CACNA1B: variants seen among roughly 807,000 people sequenced by gnomAD.
CACNA1B encodes calcium voltage-gated channel subunit alpha1 B.
CACNA1B carries 70 observed loss-of-function variants against 247.2 expected under a neutral mutation model. The observed-to-expected ratio is 0.28, with a 90% CI of 0.23 to 0.35. The LOEUF (loss-of-function observed/expected upper bound fraction) is 0.35, where lower values mean the gene tolerates loss of function less well. CACNA1B is among the 10% of genes least tolerant of loss of function. The pLI is 1.00. For synonymous variants in CACNA1B, 1,231 were observed against 1,294.4 expected (o/e 0.95, Z 1.05); for missense variants, 2,367 against 3,197.4 (o/e 0.74, Z 6.26).
chr9:137,993,066 G>A (rs1025839594), intron 15 of CACNA1B, among the ~76,000 whole-genome samples: 5 of 152,116 alleles, frequency 3.3e-5, no homozygotes, highest in African/African-American at 1.2e-4. Flanking sequence ...AGCCTTAAAT[G>A]CCTACATCAG....
intron 6 of CACNA1B, among the ~76,000 whole-genome samples, chr9:137,935,267 T>A (rs139243423): frequency 6.6e-6 from 1 of 152,006 alleles, no homozygotes; most frequent in African/African-American, 2.4e-5. Context: ...CCCCACCCCA[T>A]GACAGGCTCC....
At chr9:137,949,097 CATGTTTGTGGTGGCT>C (rs1957838321) in intron 6 of CACNA1B, among the ~76,000 whole-genome samples, 1 of 1,724 alleles carries the variant, frequency 5.8e-4, no homozygotes. Context: ...GTGGTGTGTG[CATGTTTGTGGTGGCT>C]GTGTGTCCAG....
Position 137,954,179 on chromosome 9 carries a change from C to G in CACNA1B, c.1071-1519C>G, listed in dbSNP as rs904724316. 6.6e-6 allele frequency among the ~76,000 whole-genome samples: 1 copy of G among 152,128 alleles called. No individual in the cohort carries two copies. The highest frequency in any genetic ancestry group is 2.4e-5 in the African/African-American group (1 of 41,434). On this transcript the variant is annotated intron_variant, in intron 7 of 46. Transcript: ENST00000371372. The surrounding 1 kb of genome is among the most constrained non-coding windows in gnomAD (Gnocchi z 4.1). ...GGCCCACAGGCCCAGCAGAGGGCCCCCAAGCCAGGGGCTGGCACCCCCCAT... is the reference window on the plus strand; with the variant it reads ...GGCCCACAGGCCCAGCAGAGGGCCCGCAAGCCAGGGGCTGGCACCCCCCAT...
intron 44 of CACNA1B, among the ~76,000 whole-genome samples, chr9:138,119,331 C>T (rs1047004705): frequency 6.6e-6 from 1 of 152,142 alleles, no homozygotes; most frequent in African/African-American, 2.4e-5. Flanking sequence ...GAGGCTCCTT[C>T]CACAAGGACA....
Position 138,023,012 on chromosome 9 carries a change from A to G in CACNA1B, c.2269A>G (p.Arg757Gly), listed in dbSNP as rs200576542. The change falls in exon 19 of 47, where the codon AGG (arginine) becomes GGG (glycine). Residue 757 changes from arginine to glycine, a missense_variant and splice_region_variant. Physicochemically the swap from Arg to Gly is moderately radical, Grantham distance 125. Coordinates refer to ENST00000371372, the MANE Select transcript of CACNA1B (RefSeq NM_000718.4). ...MSAANISIAA[R>G]QQNSAKARSV... is the part of the protein sequence containing the mutation. ...CGCTCACCGCCAGTCTCCCCGCAGC[A>G]GGCAGCAGAACTCGGCCAAGGCGCG... 107 of 1,505,748 alleles carry G rather than the reference A, an allele frequency of 7.1e-5. No individual in the cohort carries two copies. In the South Asian group the frequency reaches 1.1e-3, roughly 15 times the overall value. The allele number at this position is 1,505,748 out of a possible 1,614,324, so 93.3% of individuals were successfully genotyped here. A position where few individuals can be genotyped will look rare whatever the true frequency, so the allele number is the denominator to read the frequency against.
chr9:138,110,146 G>A (rs928653718), intron 39 of CACNA1B, among the ~76,000 whole-genome samples: 1 of 151,106 alleles, frequency 6.6e-6, no homozygotes, highest in African/African-American at 2.4e-5. Context: ...AGACAGTCTT[G>A]CTCTGTTGCC....
chr9:137,936,495 C>A (rs1049841413), intron 6 of CACNA1B, among the ~76,000 whole-genome samples: 4 of 152,042 alleles, frequency 2.6e-5, no homozygotes. Context: ...TAATTAGATC[C>A]CATCTATTTC....
rs756173569 is a variant in CACNA1B, at chr9:137,939,803, A to AAAATAAAT, written c.967-12431_967-12424dup. On this transcript the variant is annotated intron_variant, in intron 6 of 46. Transcript: ENST00000371372. ...GGGCAACTGAGCAAGACTCCGTCTC[A>AAAATAAAT]AAATAAATAAATAAATAAATAAATA... Among the ~76,000 whole-genome samples the AAAATAAAT allele has an allele frequency of 8.7e-3, 1,248 of 143,796 alleles. 10 individuals carry two copies. Among genetic ancestry groups the AAAATAAAT allele is most frequent in the African/African-American group, 0.014 (523 of 37,324 alleles). 94.3% of individuals were successfully genotyped at this position (143,796 alleles called of 152,430 possible).
chr9:137,955,441 G>T lies in CACNA1B; in HGVS notation c.1071-257G>T, dbSNP rs1392619888. ...CCAAGGCACCGTCCCTAAGTGCCAC[G>T]GGAGTCTGAGGATGGAGGGCCACCT... On this transcript the variant is annotated intron_variant, in intron 7 of 46. Coordinates refer to ENST00000371372, the MANE Select transcript of CACNA1B (RefSeq NM_000718.4). This position sits in a 1 kb window ranked among gnomAD's most constrained non-coding sequence, Gnocchi z 6.9. Among the ~76,000 whole-genome samples the T allele has an allele frequency of 6.6e-6, 1 of 152,186 alleles. No individual in the cohort carries two copies. The highest frequency in any genetic ancestry group is 2.1e-4 in the South Asian group (1 of 4,828).
chr9:138,095,609 A>G (rs1454447103), intron 36 of CACNA1B, among the ~76,000 whole-genome samples: 5 of 152,174 alleles, frequency 3.3e-5, no homozygotes, highest in Admixed American at 1.3e-4. Context: ...CAGTAATTTC[A>G]CTCCTAGGTA....
At chr9:138,082,666 A>G (rs1960561935) in intron 36 of CACNA1B, among the ~76,000 whole-genome samples, 1 of 151,428 alleles carries the variant, frequency 6.6e-6, no homozygotes, top group Non-Finnish European at 1.5e-5. Flanking sequence ...TGATTTAACA[A>G]AATGTATAAA....
chr9:137,984,271 G>A, intron 13 of CACNA1B, 21 bp downstream of exon 13: 1 of 1,517,708 alleles, frequency 6.6e-7, no homozygotes, highest in Non-Finnish European at 9.0e-7. Context: ...TGCGCTCCCA[G>A]GCGAGGGCAG....
chr9:138,027,058 T>G (rs1160798203), intron 20 of CACNA1B, among the ~76,000 whole-genome samples: 3 of 152,274 alleles, frequency 2.0e-5, no homozygotes, highest in Non-Finnish European at 4.4e-5. Context: ...GCCATGTGTA[T>G]AATTTTCTTT....
chr9:138,041,966 T>C (rs1959129430), intron 20 of CACNA1B, among the ~76,000 whole-genome samples: 1 of 152,148 alleles, frequency 6.6e-6, no homozygotes, highest in East Asian at 1.9e-4. Context: ...GTCACCATCT[T>C]GCCCAGGATG....
In CACNA1B at chr9:137,919,456, G is replaced by A. The variant is rs1017605780; in HGVS notation, c.966+2025G>A. On this transcript the variant is annotated intron_variant, in intron 6 of 46. Transcript: ENST00000371372. This position sits in a 1 kb window ranked among gnomAD's most constrained non-coding sequence, Gnocchi z 4.6. Reference sequence around the variant, plus strand: ...CAAGATGCAGTCATGGCAGTGCCTGGGGCTGGCGCCACACAAGGCCCCAGA... The same window carrying A: ...CAAGATGCAGTCATGGCAGTGCCTGAGGCTGGCGCCACACAAGGCCCCAGA... Among the ~76,000 whole-genome samples, 5 of 152,230 alleles carry A rather than the reference G, an allele frequency of 3.3e-5. No individual in the cohort carries two copies. The highest frequency in any genetic ancestry group is 9.6e-5 in the African/African-American group (4 of 41,464).
At chr9:137,993,813 G>A (rs1165203585) in intron 15 of CACNA1B, among the ~76,000 whole-genome samples, 4 of 152,038 alleles carry the variant, frequency 2.6e-5, no homozygotes, top group African/African-American at 7.2e-5. Flanking sequence ...ATTCCACAAG[G>A]TAGAGAAAGA....
chr9:138,027,017 T>C (rs577361720), intron 20 of CACNA1B, among the ~76,000 whole-genome samples: 13 of 152,376 alleles, frequency 8.5e-5, no homozygotes, highest in South Asian at 2.1e-4. Context: ...TAATGACATA[T>C]GACGTTGAGC....
At position 138,102,294 on chromosome 9, in the gene CACNA1B, C is replaced by T. The variant is rs2472238; in HGVS notation, c.5223-417C>T. On this transcript the variant is annotated intron_variant, in intron 37 of 46. Coordinates refer to ENST00000371372, the MANE Select transcript of CACNA1B (RefSeq NM_000718.4). This position sits in a 1 kb window ranked among gnomAD's most constrained non-coding sequence, Gnocchi z 5.4. ...CACTGCCTCATCTGCCACCTGACCCCGCCTGCCAGCTCTTCTGGCAGGGTG... is the reference window on the plus strand; with the variant it reads ...CACTGCCTCATCTGCCACCTGACCCTGCCTGCCAGCTCTTCTGGCAGGGTG... Among the ~76,000 whole-genome samples the T allele has an allele frequency of 0.96, 146,067 of 152,284 alleles. 70,185 individuals are homozygous for T. Among genetic ancestry groups the T allele is most frequent in the Middle Eastern group, 1 (294 of 294 alleles).
intron 20 of CACNA1B, 66 bp downstream of exon 20, chr9:138,025,238 T>C: frequency 4.5e-6 from 5 of 1,106,876 alleles, no homozygotes; most frequent in Non-Finnish European, 6.7e-6. Context: ...CCCCATTCCC[T>C]CCTGCTCCAC....
Sources: allele counts gnomAD v4.1 joint callset (sites outside exome capture counted in the v4.1 genomes callset), GRCh38; gene constraint gnomAD v4.1.1; non-coding constraint Gnocchi (gnomAD v3.1); transcripts MANE v1.5; gene names NCBI Gene and HGNC (gene_info 2026-07-23, HGNC 2026-07-21).